DENND5A: variants seen among roughly 807,000 people sequenced by gnomAD.
The protein encoded by DENND5A is DENN domain containing 5A.
Under a neutral mutation model 140.3 loss-of-function variants are expected in DENND5A, and 64 were observed. That is an observed-to-expected ratio of 0.46 (90% CI 0.37 to 0.56). The LOEUF is 0.56. DENND5A is among the 20% of genes least tolerant of loss of function. The pLI is 0.00. For synonymous variants in DENND5A, 605 were observed against 607.7 expected (o/e 1.00, Z 0.07); for missense variants, 1,292 against 1,593.8 (o/e 0.81, Z 3.22).
chr11:9,245,382 G>C (rs1187835766), intron 1 of DENND5A: 1 of 150,746 alleles, frequency 6.6e-6, no homozygotes, highest in East Asian at 2.0e-4. Flanking sequence ...CCTGAGGTCA[G>C]CAGTCCGAGA....
In DENND5A at chr11:9,206,482, T is replaced by C. The variant is rs60013169; in HGVS notation, c.291+191A>G. On this transcript the variant is annotated intron_variant, in intron 3 of 22. Transcript: ENST00000328194. ...CACAACAGAAACACATTATAACTTT[T>C]AGCATATTTAATATATTCTGAATAT... is the stretch of plus-strand genomic sequence containing the variant. 7.9e-5 allele frequency among the ~76,000 whole-genome samples: 12 copies of C among 152,346 alleles called. No individual in the cohort carries two copies. The East Asian group carries it at 1.9e-3, about 24-fold the overall frequency.
intron 12 of DENND5A, among the ~76,000 whole-genome samples, chr11:9,155,592 T>C (rs957526391): frequency 1.3e-5 from 2 of 152,176 alleles, no homozygotes; most frequent in Non-Finnish European, 2.9e-5. Context: ...CTGATTGGGA[T>C]TGCAAGGTTC....
intron 4 of DENND5A, among the ~76,000 whole-genome samples, chr11:9,195,962 T>C (rs539110863): frequency 2.4e-4 from 36 of 152,278 alleles, no homozygotes; most frequent in African/African-American, 8.4e-4. Context: ...AGCACTTTTT[T>C]TGTTTTTTGA....
intron 1 of DENND5A, among the ~76,000 whole-genome samples, chr11:9,239,335 CTTT>C (rs1213339417): frequency 1.6e-5 from 2 of 121,274 alleles, no homozygotes; most frequent in Non-Finnish European, 1.7e-5. Context: ...CCTGGCTAAA[CTTT>C]TTTTTTTTTT....
At chr11:9,230,856 G>T (rs906489010) in intron 1 of DENND5A, among the ~76,000 whole-genome samples, 2 of 152,030 alleles carry the variant, frequency 1.3e-5, no homozygotes, top group Non-Finnish European at 2.9e-5. Context: ...AGGCATGGTG[G>T]CACACATTTG....
intron 13 of DENND5A, among the ~76,000 whole-genome samples, chr11:9,151,934 ACCAGGACTTGACTTTGAGGAGGT>A (rs1234726155): frequency 6.6e-6 from 1 of 152,206 alleles, no homozygotes; most frequent in Admixed American, 6.5e-5. Context: ...GATCATTCAC[ACCAGGACTTGACTTTGAGGAGGT>A]CCAAGGAAGG....
chr11:9,144,185 C>T lies in DENND5A; in HGVS notation c.3216G>A (p.Val1072=), dbSNP rs772665845. Reference sequence around the variant, plus strand: ...GCGGGGTCCGGCATGGCCTCTCATCCACCTCAGGCTGGGATGTGAGCAGCT... The same window carrying T: ...GCGGGGTCCGGCATGGCCTCTCATCTACCTCAGGCTGGGATGTGAGCAGCT... The part of the protein sequence containing the change: ...VGELLTSQPE[V]DERPCRTPPL... The change falls in exon 19 of 23, where the codon GTG becomes GTA. Residue 1072 remains valine (V), a synonymous_variant. Transcript: ENST00000328194. 3 of 1,614,078 alleles carry T rather than the reference C, an allele frequency of 1.9e-6. No homozygotes were observed. Among genetic ancestry groups the T allele is most frequent in the Admixed American group, 1.7e-5 (1 of 60,008 alleles).
chr11:9,154,467 A>G (rs927491686), intron 12 of DENND5A, among the ~76,000 whole-genome samples: 2 of 152,180 alleles, frequency 1.3e-5, no homozygotes, highest in African/African-American at 4.8e-5. Context: ...GTCTTAAGAT[A>G]TACCCCATGA....
chr11:9,164,075 T>G lies in DENND5A; in HGVS notation c.2283+1761A>C, dbSNP rs1454965802. ...AATCAGGTTTTTTTTTTTTTTTTTTTTTTTTTTTTTTTTTGAGAGAGGGTC... is the reference window on the plus strand; with the variant it reads ...AATCAGGTTTTTTTTTTTTTTTTTTGTTTTTTTTTTTTTTGAGAGAGGGTC... On this transcript the variant is annotated intron_variant, in intron 11 of 22. Transcript: ENST00000328194. 5.1e-5 allele frequency among the ~76,000 whole-genome samples: 7 copies of G among 138,534 alleles called. No individual in the cohort carries two copies. In the East Asian group the frequency reaches 1.4e-3, roughly 29 times the overall value. 90.9% of individuals were successfully genotyped at this position (138,534 alleles called of 152,430 possible).
intron 4 of DENND5A, among the ~76,000 whole-genome samples, chr11:9,194,874 C>A (rs554722165): frequency 6.6e-6 from 1 of 151,088 alleles, no homozygotes; most frequent in Non-Finnish European, 1.5e-5. Context: ...TGCCCACCAC[C>A]GCACCTGGCT....
intron 4 of DENND5A, among the ~76,000 whole-genome samples, chr11:9,201,426 C>T (rs538886508): frequency 2.6e-4 from 39 of 151,454 alleles, no homozygotes; most frequent in African/African-American, 9.4e-4. Flanking sequence ...CCTGTAATCC[C>T]AGCACTTTGG....
In DENND5A at chr11:9,246,062, G is replaced by A. The variant is rs555938147; in HGVS notation, c.109+18899C>T. ...AGCCGGGACCCCTTTTTTAGGGCCT[G>A]CAGACCCCAAGCATGGAAATAAAGG... On this transcript the variant is annotated intron_variant, in intron 1 of 22. Coordinates refer to ENST00000328194, the MANE Select transcript of DENND5A (RefSeq NM_015213.4). Among the ~76,000 whole-genome samples, 13 of 152,212 alleles carry A rather than the reference G, an allele frequency of 8.5e-5. No individual in the cohort carries two copies. The East Asian group carries it at 2.5e-3, about 29-fold the overall frequency.
At chr11:9,207,050 T>C in intron 2 of DENND5A, 1 of 482,588 alleles carries the variant, frequency 2.1e-6, no homozygotes, top group Non-Finnish European at 3.7e-6. Context: ...ATGGTTAATT[T>C]TCATGGGAGA....
chr11:9,220,731 A>G (rs963248117), intron 1 of DENND5A, among the ~76,000 whole-genome samples: 1 of 151,994 alleles, frequency 6.6e-6, no homozygotes, highest in Admixed American at 6.6e-5. Flanking sequence ...AGTCTCTTCT[A>G]AAAATAAAAA....
chr11:9,258,370 T>C (rs887354372), intron 1 of DENND5A, among the ~76,000 whole-genome samples: 1 of 137,558 alleles, frequency 7.3e-6, no homozygotes, highest in Non-Finnish European at 1.5e-5. Context: ...AGTGAGAACA[T>C]GTGGTGTTCC....
intron 1 of DENND5A, among the ~76,000 whole-genome samples, chr11:9,246,968 C>T (rs1209752383): frequency 6.6e-6 from 1 of 152,000 alleles, no homozygotes; most frequent in Non-Finnish European, 1.5e-5. Flanking sequence ...CGGTGGCTCA[C>T]GCCTGTAATC....
At chr11:9,262,889 C>T (rs930094238) in intron 1 of DENND5A, among the ~76,000 whole-genome samples, 8 of 151,058 alleles carry the variant, frequency 5.3e-5, no homozygotes, top group Admixed American at 2.6e-4. Flanking sequence ...CTACAGGCGC[C>T]CGCCACCACG....
intron 1 of DENND5A, among the ~76,000 whole-genome samples, chr11:9,256,872 T>A (rs1206991950): frequency 1.3e-5 from 2 of 152,264 alleles, no homozygotes; most frequent in Middle Eastern, 3.4e-3. Flanking sequence ...CTGAAATAAG[T>A]GAACTGTATG....
chr11:9,182,862 C>G (rs935235109), intron 5 of DENND5A, among the ~76,000 whole-genome samples: 4 of 152,038 alleles, frequency 2.6e-5, no homozygotes, highest in Non-Finnish European at 5.9e-5. Context: ...TGACTACACT[C>G]AACAAACATT....
Sources: gnomAD v4.1 joint callset for allele counts (sites outside exome capture counted in the v4.1 genomes callset) on GRCh38, gnomAD v4.1.1 for gene constraint, MANE v1.5 for transcripts, NCBI Gene and HGNC (gene_info 2026-07-23, HGNC 2026-07-21) for gene names.